Variants in NSD3 observed in about 807,000 individuals in gnomAD.
The protein encoded by NSD3 is nuclear receptor binding SET domain protein 3, also known as histone-lysine N-methyltransferase NSD3.
NSD3 carries 24 observed loss-of-function variants against 160.8 expected under a neutral mutation model. The observed-to-expected ratio is 0.15, with a 90% CI of 0.11 to 0.21. The LOEUF is 0.21. NSD3 is among the 10% of genes least tolerant of loss of function. The pLI is 1.00. For missense variants in NSD3, 1,157 were observed against 1,735.9 expected (o/e 0.67, Z 5.93); for synonymous variants, 520 against 600.0 (o/e 0.87, Z 1.95).
In NSD3 at chr8:38,376,837, T is replaced by C. The variant is rs370095531; in HGVS notation, c.-45+4962A>G. 6.6e-5 allele frequency among the ~76,000 whole-genome samples: 10 copies of C among 152,312 alleles called. No individual in the cohort carries two copies. The South Asian group carries it at 1.0e-3, about 16-fold the overall frequency. Reference sequence around the variant, plus strand: ...CAGACTTCACTTCCATAGGCCTCAGTTTTCTCTCTTCTAAAATAAAGTAGT... The same window carrying C: ...CAGACTTCACTTCCATAGGCCTCAGCTTTCTCTCTTCTAAAATAAAGTAGT... On this transcript the variant is annotated intron_variant, in intron 1 of 23. Coordinates refer to ENST00000317025, the MANE Select transcript of NSD3 (RefSeq NM_023034.2).
intron 2 of NSD3, among the ~76,000 whole-genome samples, chr8:38,340,685 A>C (rs72630604): frequency 0.22 from 32,758 of 151,932 alleles, 3,794 homozygotes; most frequent in East Asian, 0.31. Flanking sequence ...TATAAGCCAG[A>C]CTAATGTCCC....
At chr8:38,326,233 T>C (rs1809908720) in intron 7 of NSD3, among the ~76,000 whole-genome samples, 1 of 152,188 alleles carries the variant, frequency 6.6e-6, no homozygotes, top group South Asian at 2.1e-4. Context: ...CATGGCTTGA[T>C]TTTCAATTCA....
intron 22 of NSD3, 92 bp downstream of exon 22, chr8:38,278,214 A>G (rs1210832653): frequency 2.8e-6 from 3 of 1,090,898 alleles, no homozygotes; most frequent in Non-Finnish European, 4.0e-6. Flanking sequence ...CTGGGATTAC[A>G]GGCATGAGCC....
chr8:38,349,159 T>C (rs1477606120), intron 1 of NSD3, among the ~76,000 whole-genome samples: 2 of 152,354 alleles, frequency 1.3e-5, no homozygotes, highest in African/African-American at 2.4e-5. Context: ...ATCCTAGATA[T>C]ACTTCTACAT....
At chr8:38,375,014 T>G (rs1007089456) in intron 1 of NSD3, among the ~76,000 whole-genome samples, 1 of 151,798 alleles carries the variant, frequency 6.6e-6, no homozygotes. Context: ...GAAAAAAAAA[T>G]TTAAAAATAA....
chr8:38,338,527 A>T lies in NSD3; in HGVS notation c.747+9T>A. The T allele has an allele frequency of 6.2e-7, 1 of 1,611,504 alleles. No individual in the cohort carries two copies. The highest frequency in any genetic ancestry group is 8.5e-7 in the Non-Finnish European group (1 of 1,177,688). ...ATTTGGTTAGACAGTATTCAGTAAA[A>T]CAACTTACTGGGGCTTCCTCTTTTA... On this transcript the variant is annotated intron_variant, in intron 3 of 23. Transcript: ENST00000317025.
chr8:38,320,824 G>C (rs1032219778), intron 8 of NSD3: 3 of 329,888 alleles, frequency 9.1e-6, no homozygotes, highest in Non-Finnish European at 1.6e-5. Context: ...AAATGTGAAG[G>C]ATTTTTTAAG....
Position 38,278,310 on chromosome 8 carries a change from G to C in NSD3, c.3863C>G (p.Pro1288Arg), listed in dbSNP as rs1009802462. Reference sequence around the variant, plus strand: ...GCGCTCCCCTGCAAGACTGACCTTTGGCCGCACTCCTAGAAAACCACTGCA... The same window carrying C: ...GCGCTCCCCTGCAAGACTGACCTTTCGCCGCACTCCTAGAAAACCACTGCA... ...DNCSGFLGVR[P>R]KSACASTNEE... Residue 1288 changes from proline (P) to arginine (R), a missense_variant, in exon 22 of 24, where the codon CCA (proline) becomes CGA (arginine). Physicochemically the swap from Pro to Arg is moderately radical, Grantham distance 103. This residue lies in a region of NSD3 where 222 missense variants were observed against 409.9 expected (regional missense o/e 0.54). Coordinates refer to ENST00000317025, the MANE Select transcript of NSD3 (RefSeq NM_023034.2). 1 of 1,613,664 alleles carries C rather than the reference G, an allele frequency of 6.2e-7. No individual in the cohort carries two copies. Among genetic ancestry groups the C allele is most frequent in the Non-Finnish European group, 8.5e-7 (1 of 1,179,824 alleles).
At chr8:38,350,795 T>C (rs1054336823) in intron 1 of NSD3, among the ~76,000 whole-genome samples, 2 of 152,088 alleles carry the variant, frequency 1.3e-5, no homozygotes, top group Admixed American at 1.3e-4. Context: ...CCAGTAGGTG[T>C]CCGAAGATGC....
At position 38,288,919 on chromosome 8, in the gene NSD3, T is replaced by C. The variant is rs1808930737; in HGVS notation, c.3232-163A>G. 6.6e-6 allele frequency among the ~76,000 whole-genome samples: 1 copy of C among 152,198 alleles called. No homozygotes were observed. Among genetic ancestry groups the C allele is most frequent in the South Asian group, 2.1e-4 (1 of 4,818 alleles). On this transcript the variant is annotated intron_variant, in intron 18 of 23. Coordinates refer to ENST00000317025, the MANE Select transcript of NSD3 (RefSeq NM_023034.2). This position sits in a 1 kb window ranked among gnomAD's most constrained non-coding sequence, Gnocchi z 4.5. ...AGATTAATAACCATCTCTTTTGTCA[T>C]TTAGTTGACAAAAATATCAAAGCCT...
intron 19 of NSD3, among the ~76,000 whole-genome samples, chr8:38,287,157 G>A (rs1808880855): frequency 6.6e-6 from 1 of 152,188 alleles, no homozygotes; most frequent in South Asian, 2.1e-4. Flanking sequence ...TACAGAAATA[G>A]ATGCACAAAG....
intron 3 of NSD3, among the ~76,000 whole-genome samples, chr8:38,337,776 T>G (rs1289536369): frequency 6.6e-6 from 1 of 152,054 alleles, no homozygotes; most frequent in Non-Finnish European, 1.5e-5. Context: ...TCAATTATAC[T>G]TTGATACAGG....
At position 38,326,756 on chromosome 8, in the gene NSD3, G is replaced by T. The variant is rs1251816874; in HGVS notation, c.1682C>A (p.Ser561Tyr). The change falls in exon 7 of 24, where the codon TCT becomes TAT. Residue 561 changes from serine (S) to tyrosine (Y), a missense_variant. Physicochemically the swap from Ser to Tyr is moderately radical, Grantham distance 144. Coordinates refer to ENST00000317025, the MANE Select transcript of NSD3 (RefSeq NM_023034.2). Reference sequence around the variant, plus strand: ...TGTAGAACCAGATGTTGCTTCAGGAGATGATACACTCTGCGTTGGCTTTTC... The same window carrying T: ...TGTAGAACCAGATGTTGCTTCAGGATATGATACACTCTGCGTTGGCTTTTC... ...RNEKPTQSVS[S>Y]PEATSGSTGS... 1.2e-6 allele frequency: 2 copies of T among 1,613,842 alleles called. No individual in the cohort carries two copies. Among genetic ancestry groups the T allele is most frequent in the African/African-American group, 2.7e-5 (2 of 74,918 alleles).
chr8:38,305,427 G>A lies in NSD3; in HGVS notation c.2261C>T (p.Ser754Leu), dbSNP rs185811622. 13,409 of 1,613,956 alleles carry A rather than the reference G, an allele frequency of 8.3e-3. 71 individuals carry two copies. Among genetic ancestry groups the A allele is most frequent in the Non-Finnish European group, 9.4e-3 (11,124 of 1,179,972 alleles). Reference protein sequence around the residue: ...ECKTGQHPCFSCKVSGKDVKR... With the variant: ...ECKTGQHPCFLCKVSGKDVKR... ...CACATCTTTACCAGACACTTTACAC[G>A]AAAAACATGGGTGCTGCCCTGGAAA... Residue 754 changes from serine to leucine, a missense_variant, in exon 13 of 24, where the codon TCG becomes TTG. Ser to Leu is a moderately radical substitution (Grantham distance 145). This residue lies in a region of NSD3 where 437 missense variants were observed against 576.6 expected (regional missense o/e 0.76). Coordinates refer to ENST00000317025, the MANE Select transcript of NSD3 (RefSeq NM_023034.2).
At chr8:38,373,807 T>C (rs1811317148) in intron 1 of NSD3, among the ~76,000 whole-genome samples, 1 of 151,722 alleles carries the variant, frequency 6.6e-6, no homozygotes, top group Non-Finnish European at 1.5e-5. Context: ...TTTTAAAAAA[T>C]AGCTAGGGGG....
intron 7 of NSD3, among the ~76,000 whole-genome samples, chr8:38,325,812 G>A (rs764672856): frequency 6.6e-5 from 10 of 151,122 alleles, no homozygotes; most frequent in African/African-American, 1.5e-4. Flanking sequence ...AGCCATGATC[G>A]TACCATTGTA....
intron 1 of NSD3, among the ~76,000 whole-genome samples, chr8:38,352,135 C>T (rs1341052034): frequency 6.6e-6 from 1 of 151,844 alleles, no homozygotes; most frequent in East Asian, 1.9e-4. Flanking sequence ...CAGTGTCTAC[C>T]ATCTTGGTTC....
intron 2 of NSD3, among the ~76,000 whole-genome samples, chr8:38,342,562 T>G (rs915783588): frequency 6.6e-6 from 1 of 152,046 alleles, no homozygotes. Flanking sequence ...CCTTTACAAA[T>G]TTTAGCCTAG....
rs1349398481 is a variant in NSD3 at position 38,318,952 on chromosome 8, G to C, written c.1810-12C>G. 1 of 1,597,972 alleles carries C rather than the reference G, an allele frequency of 6.3e-7. No individual in the cohort carries two copies. The highest frequency in any genetic ancestry group is 2.3e-5 in the East Asian group (1 of 44,264). ...GGAACTGTTTCAACCTGTTTGGACAGAAAAATACAGCATTAACAAAGAATT... is the reference window on the plus strand; with the variant it reads ...GGAACTGTTTCAACCTGTTTGGACACAAAAATACAGCATTAACAAAGAATT... On this transcript the variant is annotated splice_polypyrimidine_tract_variant and intron_variant, in intron 8 of 23. Transcript: ENST00000317025. The surrounding 1 kb of genome is among the most constrained non-coding windows in gnomAD (Gnocchi z 5.3).
Sources: gnomAD v4.1 joint callset for allele counts (sites outside exome capture counted in the v4.1 genomes callset) on GRCh38, gnomAD v4.1.1 for gene constraint, gnomAD v4.1.1 regional missense constraint, Gnocchi (gnomAD v3.1) non-coding constraint, MANE v1.5 for transcripts, NCBI Gene and HGNC (gene_info 2026-07-23, HGNC 2026-07-21) for gene names.